SH3GL3: variants seen among roughly 807,000 people sequenced by gnomAD.
SH3GL3 encodes endophilin-A3.
In SH3GL3, 33 loss-of-function variants were observed where a neutral mutation model predicts 47.7. That is an observed-to-expected ratio of 0.69 (90% CI 0.52 to 0.92). SH3GL3 has a LOEUF of 0.92. Among genes scored for constraint, SH3GL3 ranks in the 40% least tolerant of loss-of-function variants. SH3GL3 has a pLI of 0.00. For synonymous variants in SH3GL3, 155 were observed against 148.8 expected (o/e 1.04, Z -0.30); for missense variants, 363 against 417.8 (o/e 0.87, Z 1.14).
intron 1 of SH3GL3, among the ~76,000 whole-genome samples, chr15:83,467,883 A>C (rs571159601): frequency 7.2e-5 from 11 of 152,210 alleles, no homozygotes; most frequent in Non-Finnish European, 1.3e-4. Context: ...GCTAGAGTGC[A>C]GTGGCACAAT....
the SH3GL3 span, among the ~76,000 whole-genome samples, chr15:83,624,183 C>G: frequency 6.6e-6 from 1 of 152,128 alleles, no homozygotes; most frequent in African/African-American, 2.4e-5. Context: ...AGCTTTGCAC[C>G]CTCTTCTTCA....
chr15:83,481,787 C>G (rs1463534548), intron 1 of SH3GL3, among the ~76,000 whole-genome samples: 1 of 152,192 alleles, frequency 6.6e-6, no homozygotes, highest in African/African-American at 2.4e-5. Flanking sequence ...GAAAGCTACT[C>G]TTGCTATTTC....
At chr15:83,517,486 G>A (rs1442768831) in intron 1 of SH3GL3, among the ~76,000 whole-genome samples, 7 of 151,896 alleles carry the variant, frequency 4.6e-5, no homozygotes, top group East Asian at 1.9e-4. Flanking sequence ...AATTACAGGC[G>A]TGAGCCACCA....
chr15:83,502,500 C>T (rs2042336927), intron 1 of SH3GL3, among the ~76,000 whole-genome samples: 1 of 152,198 alleles, frequency 6.6e-6, no homozygotes, highest in African/African-American at 2.4e-5. Flanking sequence ...TTTGGAGGTA[C>T]CTTATATATG....
chr15:83,569,227 T>C (rs974439355), intron 4 of SH3GL3, among the ~76,000 whole-genome samples: 2 of 152,230 alleles, frequency 1.3e-5, no homozygotes, highest in Non-Finnish European at 2.9e-5. Flanking sequence ...TTGTTTATTC[T>C]TATATGTATT....
intron 1 of SH3GL3, among the ~76,000 whole-genome samples, chr15:83,547,518 G>A (rs972839363): frequency 6.6e-6 from 1 of 152,176 alleles, no homozygotes; most frequent in African/African-American, 2.4e-5. Context: ...CTTGGATACA[G>A]AGTTAAAATC....
At chr15:83,493,362 C>A (rs2041953435) in intron 1 of SH3GL3, among the ~76,000 whole-genome samples, 1 of 152,144 alleles carries the variant, frequency 6.6e-6, no homozygotes, top group Admixed American at 6.5e-5. Context: ...TATTTAAAAT[C>A]TTTCATAGTA....
At chr15:83,608,758 C>T (rs189007766) in intron 8 of SH3GL3, among the ~76,000 whole-genome samples, 25 of 151,316 alleles carry the variant, frequency 1.7e-4, no homozygotes, top group Non-Finnish European at 7.4e-5. Context: ...TCCCCCCGCC[C>T]GCCCATGGTA....
In SH3GL3 at chr15:83,521,641, GA is replaced by G. The variant is rs1162185929; in HGVS notation, c.46-37611del. Among the ~76,000 whole-genome samples, 3 of 152,172 alleles carry G rather than the reference GA, an allele frequency of 2.0e-5. No individual in the cohort carries two copies. The East Asian group carries it at 5.8e-4, about 29-fold the overall frequency. The stretch of plus-strand genomic sequence containing the variant: ...GGAAGCCTGAGAAATGTAGATTGCA[GA>G]GTAGAATCACTGAGTGGAGGTTGGG... On this transcript the variant is annotated intron_variant, in intron 1 of 8. Coordinates refer to ENST00000427482, the MANE Select transcript of SH3GL3 (RefSeq NM_003027.5).
chr15:83,459,573 C>A (rs117222065), intron 1 of SH3GL3, among the ~76,000 whole-genome samples: 1,720 of 152,254 alleles, frequency 0.011, 16 homozygotes, highest in Non-Finnish European at 0.015. Flanking sequence ...TATTGATCTA[C>A]GCCTAGTAAA....
intron 1 of SH3GL3, among the ~76,000 whole-genome samples, chr15:83,502,066 TAA>T (rs1366870312): frequency 6.6e-6 from 1 of 152,204 alleles, no homozygotes; most frequent in Non-Finnish European, 1.5e-5. Context: ...AGGAATAATA[TAA>T]AGTTTTAATC....
At chr15:83,603,145 A>G (rs772140445) in intron 8 of SH3GL3, among the ~76,000 whole-genome samples, 31 of 152,158 alleles carry the variant, frequency 2.0e-4, no homozygotes, top group Non-Finnish European at 3.1e-4. Context: ...GATTATAGGC[A>G]TGCACCACCA....
intron 6 of SH3GL3, among the ~76,000 whole-genome samples, chr15:83,585,548 T>C (rs901024509): frequency 2.0e-5 from 3 of 152,184 alleles, no homozygotes; most frequent in Non-Finnish European, 4.4e-5. Context: ...GAAGAAAAAT[T>C]GTTTCTGTAA....
intron 1 of SH3GL3, among the ~76,000 whole-genome samples, chr15:83,485,720 C>T (rs2041566865): frequency 6.6e-6 from 1 of 152,034 alleles, no homozygotes; most frequent in Non-Finnish European, 1.5e-5. Flanking sequence ...TGGTCTCGAA[C>T]TCCTGGGCTC....
At chr15:83,552,461 C>T (rs923815210) in intron 1 of SH3GL3, among the ~76,000 whole-genome samples, 5 of 151,866 alleles carry the variant, frequency 3.3e-5, no homozygotes, top group Non-Finnish European at 5.9e-5. Context: ...ATTGTTGGTT[C>T]CTAACTTAAT....
chr15:83,473,539 C>T (rs1023318666), intron 1 of SH3GL3, among the ~76,000 whole-genome samples: 8 of 150,438 alleles, frequency 5.3e-5, no homozygotes, highest in Non-Finnish European at 1.2e-4. Context: ...AGAGAGCAGA[C>T]ATTTGTTGGG....
At chr15:83,536,411 T>C (rs2043912326) in intron 1 of SH3GL3, among the ~76,000 whole-genome samples, 1 of 149,726 alleles carries the variant, frequency 6.7e-6, no homozygotes, top group African/African-American at 2.5e-5. Context: ...TTTTCTTTTT[T>C]TTTTTTTTTT....
chr15:83,491,324 T>G (rs796816871), intron 1 of SH3GL3, among the ~76,000 whole-genome samples: 3 of 152,338 alleles, frequency 2.0e-5, no homozygotes, highest in African/African-American at 7.2e-5. Context: ...GCTAAAGAAC[T>G]TCAACATGTC....
intron 6 of SH3GL3, among the ~76,000 whole-genome samples, chr15:83,584,008 G>A (rs533965765): frequency 1.2e-4 from 18 of 152,132 alleles, no homozygotes; most frequent in Non-Finnish European, 2.4e-4. Flanking sequence ...TCCTATTGGG[G>A]CCATAACAAA....
Sources: gnomAD v4.1 joint callset for allele counts (sites outside exome capture counted in the v4.1 genomes callset) on GRCh38, gnomAD v4.1.1 for gene constraint, MANE v1.5 for transcripts, NCBI Gene and HGNC (gene_info 2026-07-23, HGNC 2026-07-21) for gene names.